The following GPR171 variants were observed in gnomAD, a reference collection of about 807,000 sequenced individuals.
GPR171 encodes F730001G15Rik.
In GPR171, 14 loss-of-function variants were observed where a neutral mutation model predicts 16.7. The observed-to-expected ratio is 0.84, with a 90% CI of 0.55 to 1.31. GPR171 has a LOEUF of 1.31. Ranked by LOEUF, GPR171 falls within the 40% of genes most tolerant of loss-of-function variation. The pLI is 0.00. For synonymous variants in GPR171, 134 were observed against 135.6 expected, an observed-to-expected ratio of 0.99 and a Z score of 0.08; for missense variants, 337 against 378.9, an observed-to-expected ratio of 0.89 and a Z score of 0.92.
rs748553544 is a variant in GPR171, at chr3:151,198,538, G to A, written c.849C>T (p.Ile283=). 6.2e-7 allele frequency: 1 copy of A among 1,614,016 alleles called. No individual in the cohort carries two copies. Among genetic ancestry groups the A allele is most frequent in the Non-Finnish European group, 8.5e-7 (1 of 1,179,940 alleles). The stretch of plus-strand genomic sequence containing the variant: ...ATGCTTTTGAGAGGTGATAGTACAG[G>A]ATAGGATCAAAGCACAGGTTCGACA... The part of the protein sequence containing the change: ...LAVSNLCFDP[I]LYYHLSKAFR... Residue 283 remains isoleucine, a synonymous_variant, in exon 3 of 3, where the codon ATC becomes ATT. Coordinates refer to ENST00000309180, the MANE Select transcript of GPR171 (RefSeq NM_013308.4).
intron 2 of GPR171, among the ~76,000 whole-genome samples, chr3:151,199,757 C>T (rs1479985430): frequency 2.6e-5 from 4 of 151,922 alleles, no homozygotes; most frequent in Admixed American, 1.3e-4. Flanking sequence ...ATAAGTGAAC[C>T]GAGATTCTGA....
At chr3:151,201,403 C>T (rs530320049) in intron 1 of GPR171, among the ~76,000 whole-genome samples, 34 of 152,264 alleles carry the variant, frequency 2.2e-4, no homozygotes, top group African/African-American at 6.7e-4. Flanking sequence ...TGTACAGTTC[C>T]TTCCTGCCTT....
intron 1 of GPR171, among the ~76,000 whole-genome samples, chr3:151,201,691 T>G (rs1725615440): frequency 6.6e-6 from 1 of 152,256 alleles, no homozygotes; most frequent in Admixed American, 6.5e-5. Flanking sequence ...CTCCAGGCTT[T>G]ACCGATGTCC....
At chr3:151,201,248 C>T (rs1361683562) in intron 1 of GPR171, among the ~76,000 whole-genome samples, 1 of 152,142 alleles carries the variant, frequency 6.6e-6, no homozygotes, top group African/African-American at 2.4e-5. Flanking sequence ...CTCTCTCTCA[C>T]ACGCACATTT....
rs563049864 is a variant in GPR171 at position 151,202,969 on chromosome 3, T to A, written c.-143+135A>T. The stretch of plus-strand genomic sequence containing the variant: ...AGTGTCATTCACAGCTAGGACCTAT[T>A]TAGAGTTTAAAAATTGATGCTTTTT... On this transcript the variant is annotated intron_variant, in intron 1 of 2. Transcript: ENST00000309180. 2.0e-5 allele frequency: 3 copies of A among 152,026 alleles called. No individual in the cohort carries two copies. The East Asian group carries it at 5.8e-4, about 29-fold the overall frequency. 9.4% of individuals were successfully genotyped at this position (152,026 alleles called of 1,614,324 possible).
At chr3:151,202,458 G>A (rs1050389089) in intron 1 of GPR171, among the ~76,000 whole-genome samples, 1 of 152,150 alleles carries the variant, frequency 6.6e-6, no homozygotes, top group African/African-American at 2.4e-5. Flanking sequence ...ATCACTTGAG[G>A]TCAAGAGTTC....
Position 151,198,342 on chromosome 3 carries a change from G to GTTT in GPR171, c.*82_*84dup, listed in dbSNP as rs11431846. ...ATTTTTTCATACTGAGTTTTTTTTT[G>GTTT]TTTTTTTTTTTTTTATCTTTCAAAG... On this transcript the variant is annotated 3_prime_UTR_variant, in exon 3 of 3. Transcript: ENST00000309180. 130 of 693,598 alleles carry GTTT rather than the reference G, an allele frequency of 1.9e-4. No homozygotes were observed. Among genetic ancestry groups the GTTT allele is most frequent in the African/African-American group, 5.7e-4 (30 of 52,280 alleles). The allele number at this position is 693,598 out of a possible 1,614,324, so 43.0% of individuals were successfully genotyped here.
intron 1 of GPR171, among the ~76,000 whole-genome samples, chr3:151,202,515 A>C (rs1725749903): frequency 6.6e-6 from 1 of 152,194 alleles, no homozygotes; most frequent in South Asian, 2.1e-4. Context: ...TACTAAAAAT[A>C]CAAAAATTAG....
intron 1 of GPR171, 121 bp downstream of exon 1, chr3:151,202,983 T>A (rs1725847001): frequency 6.7e-6 from 1 of 149,794 alleles, no homozygotes; most frequent in Non-Finnish European, 1.5e-5. Context: ...AGTTTAAAAA[T>A]TGATGCTTTT....
In GPR171 at chr3:151,198,332, GTTTTTTTTTGTT is replaced by G; in HGVS notation, c.*83_*94del. Reference sequence around the variant, plus strand: ...AGCTAACTGTATTTTTTCATACTGAGTTTTTTTTTGTTTTTTTTTTTTTTATCTTTCAAAGCT... The same window carrying G: ...AGCTAACTGTATTTTTTCATACTGAGTTTTTTTTTTTTATCTTTCAAAGCT... On this transcript the variant is annotated 3_prime_UTR_variant, in exon 3 of 3. Transcript: ENST00000309180. 2 of 865,738 alleles carry G rather than the reference GTTTTTTTTTGTT, an allele frequency of 2.3e-6. No homozygotes were observed. Among genetic ancestry groups the G allele is most frequent in the Non-Finnish European group, 3.2e-6 (2 of 617,712 alleles). The allele number at this position is 865,738 out of a possible 1,614,324, so 53.6% of individuals were successfully genotyped here.
chr3:151,199,398 G>T lies in GPR171; in HGVS notation c.-12C>A, dbSNP rs761556814. On this transcript the variant is annotated 5_prime_UTR_variant, in exon 3 of 3. Coordinates refer to ENST00000309180, the MANE Select transcript of GPR171 (RefSeq NM_013308.4). The stretch of plus-strand genomic sequence containing the variant: ...GAACTGTTTGTCATCTTGAGGGAAA[G>T]TAAGGATGACTGCTTATTGAAAAGA... 4.4e-6 allele frequency: 7 copies of T among 1,588,220 alleles called. No individual in the cohort carries two copies. The highest frequency in any genetic ancestry group is 6.0e-6 in the Non-Finnish European group (7 of 1,169,846).
rs578096420 is a variant in GPR171, at chr3:151,197,833, A to G, written c.*594T>C. On this transcript the variant is annotated 3_prime_UTR_variant, in exon 3 of 3. Coordinates refer to ENST00000309180, the MANE Select transcript of GPR171 (RefSeq NM_013308.4). The stretch of plus-strand genomic sequence containing the variant: ...ACAAATAATACATTAAAGATTGTCT[A>G]TATTTTTCAAGCCTTTTTATAAATA... 6 of 152,766 alleles carry G rather than the reference A, an allele frequency of 3.9e-5. No homozygotes were observed. Among genetic ancestry groups the G allele is most frequent in the South Asian group, 2.1e-4 (1 of 4,824 alleles). The allele number at this position is 152,766 out of a possible 1,614,324, so 9.5% of individuals were successfully genotyped here. A position where few individuals can be genotyped will look rare whatever the true frequency, so the allele number is the denominator to read the frequency against.
At chr3:151,202,677 C>G (rs1469792068) in intron 1 of GPR171, among the ~76,000 whole-genome samples, 1 of 152,118 alleles carries the variant, frequency 6.6e-6, no homozygotes, top group East Asian at 1.9e-4. Context: ...AAAAACAAAA[C>G]AAAACAAAAA....
chr3:151,201,959 G>A (rs186761343), intron 1 of GPR171, among the ~76,000 whole-genome samples: 12 of 152,306 alleles, frequency 7.9e-5, no homozygotes, highest in Admixed American at 2.0e-4. Context: ...TCAATGAGAC[G>A]TATATGGTAA....
At chr3:151,201,497 C>A (rs1725587077) in intron 1 of GPR171, among the ~76,000 whole-genome samples, 1 of 152,190 alleles carries the variant, frequency 6.6e-6, no homozygotes, top group African/African-American at 2.4e-5. Context: ...GTAGTCTAAT[C>A]CCCAAGTCAG....
At chr3:151,199,570 A>G (rs1035267261) in intron 2 of GPR171, 131 bp from the exon 3 acceptor site, 3 of 572,838 alleles carry the variant, frequency 5.2e-6, no homozygotes, top group South Asian at 2.4e-5. Context: ...ACCAGACCAT[A>G]TGGCCTGGTG....
In GPR171 at chr3:151,199,381, T is replaced by G. The variant is rs1312529423; in HGVS notation, c.6A>C (p.Thr2=). The G allele has an allele frequency of 2.1e-5, 33 of 1,603,666 alleles. No homozygotes were observed. Among genetic ancestry groups the G allele is most frequent in the Non-Finnish European group, 2.8e-5 (33 of 1,175,834 alleles). The change falls in exon 3 of 3, where the codon ACA becomes ACC. Residue 2 remains threonine (T), a synonymous_variant. Transcript: ENST00000309180. Reference sequence around the variant, plus strand: ...AAACTGGGCAGAAGAACGAACTGTTTGTCATCTTGAGGGAAAGTAAGGATG... The same window carrying G: ...AAACTGGGCAGAAGAACGAACTGTTGGTCATCTTGAGGGAAAGTAAGGATG... M[T]NSSFFCPVYK...
In GPR171 at chr3:151,198,979, G is replaced by A. The variant is rs141031765; in HGVS notation, c.408C>T (p.Thr136=). ...QEPGFAKMIS[T]VVWLMVLLIM... ...TAAGAAGGACCATTAGCCACACAAC[G>A]GTTGATATCATTTTGGCAAATCCGG... The change falls in exon 3 of 3, where the codon ACC becomes ACT. Residue 136 remains threonine, a synonymous_variant. Coordinates refer to ENST00000309180, the MANE Select transcript of GPR171 (RefSeq NM_013308.4). The A allele has an allele frequency of 1.1e-4, 185 of 1,613,860 alleles. No individual in the cohort carries two copies. The African/African-American group carries it at 1.5e-3, about 13-fold the overall frequency.
In GPR171 at chr3:151,198,434, T is replaced by A; in HGVS notation, c.953A>T (p.Asn318Ile). 3 of 1,603,226 alleles carry A rather than the reference T, an allele frequency of 1.9e-6. No homozygotes were observed. The African/African-American group carries it at 4.0e-5, about 21-fold the overall frequency. ...CACAAAAAATCCTGTCTTTTATGCA[T>A]TATTTTCACATCTTAATTTTTCTTT... is the stretch of plus-strand genomic sequence containing the variant. Reference protein sequence around the residue: ...AQKEKLRCENNA With the variant: ...AQKEKLRCENIA The change falls in exon 3 of 3, where the codon AAT becomes ATT. Residue 318 changes from asparagine (N) to isoleucine (I), a missense_variant. Coordinates refer to ENST00000309180, the MANE Select transcript of GPR171 (RefSeq NM_013308.4).
Sources: allele counts gnomAD v4.1 joint callset (sites outside exome capture counted in the v4.1 genomes callset), GRCh38; gene constraint gnomAD v4.1.1; transcripts MANE v1.5; gene names NCBI Gene and HGNC (gene_info 2026-07-23, HGNC 2026-07-21).